Variants in TM4SF4 observed in about 807,000 individuals in gnomAD.
TM4SF4 encodes transmembrane 4 L6 family member 4.
Under a neutral mutation model 24.1 loss-of-function variants are expected in TM4SF4, and 24 were observed. The observed-to-expected ratio is 1.00, with a 90% CI of 0.72 to 1.40. The LOEUF (loss-of-function observed/expected upper bound fraction) is 1.40, where lower values mean the gene tolerates loss of function less well. Ranked by LOEUF, TM4SF4 falls within the 40% of genes most tolerant of loss-of-function variation. The pLI, the probability that TM4SF4 is intolerant of heterozygous loss-of-function variation, is 0.00. For synonymous variants in TM4SF4, 113 were observed against 97.0 expected, an observed-to-expected ratio of 1.17 and a Z score of -0.97; for missense variants, 254 against 254.2, an observed-to-expected ratio of 1.00 and a Z score of 0.01.
chr3:149,492,728 T>A (rs1003011345), intron 3 of TM4SF4, among the ~76,000 whole-genome samples: 2 of 151,990 alleles, frequency 1.3e-5, no homozygotes, highest in Admixed American at 6.6e-5. Flanking sequence ...GACACTGAAC[T>A]GAACACAGTT....
chr3:149,498,336 C>T lies in TM4SF4; in HGVS notation c.402-386C>T, dbSNP rs1349724497. Among the ~76,000 whole-genome samples, 4 of 152,172 alleles carry T rather than the reference C, an allele frequency of 2.6e-5. No individual in the cohort carries two copies. The South Asian group carries it at 8.3e-4, about 32-fold the overall frequency. On this transcript the variant is annotated intron_variant, in intron 3 of 4. Coordinates refer to ENST00000305354, the MANE Select transcript of TM4SF4 (RefSeq NM_004617.4). ...TGCTGGAGTGTCTCTATTTTCCTGT[C>T]CCCATCATAGATGGTGAATTTGCCT...
chr3:149,501,962 G>A (rs1025112810), intron 4 of TM4SF4, among the ~76,000 whole-genome samples: 2 of 152,194 alleles, frequency 1.3e-5, no homozygotes, highest in African/African-American at 4.8e-5. Flanking sequence ...ACTGCTCCTT[G>A]TCTGTAAAAT....
At position 149,503,311 on chromosome 3, in the gene TM4SF4, G is replaced by A. The variant is rs1734464000; in HGVS notation, c.*618G>A. 6.6e-6 allele frequency: 1 copy of A among 151,726 alleles called. No individual in the cohort carries two copies. The highest frequency in any genetic ancestry group is 1.5e-5 in the Non-Finnish European group (1 of 67,966). The allele number at this position is 151,726 out of a possible 1,614,324, so 9.4% of individuals were successfully genotyped here. A position where few individuals can be genotyped will look rare whatever the true frequency, so the allele number is the denominator to read the frequency against. On this transcript the variant is annotated 3_prime_UTR_variant, in exon 5 of 5. Transcript: ENST00000305354. ...AAGATTGTGTGTGTTTTAGGAGGGG[G>A]GACAAAACGTTGAATGAATAACAAC...
At chr3:149,483,868 C>T (rs987815378) in intron 2 of TM4SF4, among the ~76,000 whole-genome samples, 1 of 151,530 alleles carries the variant, frequency 6.6e-6, no homozygotes, top group Non-Finnish European at 1.5e-5. Flanking sequence ...GCAACCCGTG[C>T]GTCCCATGCT....
chr3:149,475,889 G>A lies in TM4SF4; in HGVS notation c.241G>A (p.Glu81Lys), dbSNP rs992078723. The change falls in exon 2 of 5, where the codon GAG (glutamate) becomes AAG (lysine). Residue 81 changes from glutamate to lysine, a missense_variant. Transcript: ENST00000305354. ...TGACTGCTGTGGGTGCTGCGGCAAC[G>A]AGGGCTGTGGGAAGCGATTTGCGGT... The part of the protein sequence containing the change: ...NNDCCGCCGN[E>K]GCGKRFAMFT... 5.6e-6 allele frequency: 9 copies of A among 1,612,796 alleles called. No homozygotes were observed. Among genetic ancestry groups the A allele is most frequent in the East Asian group, 2.2e-5 (1 of 44,860 alleles).
chr3:149,486,562 C>T (rs1734120148), intron 2 of TM4SF4, among the ~76,000 whole-genome samples: 1 of 152,132 alleles, frequency 6.6e-6, no homozygotes, highest in Non-Finnish European at 1.5e-5. Context: ...AGGGAGTTAA[C>T]CTAGCTGGGT....
At chr3:149,475,954 T>C in intron 2 of TM4SF4, 42 bp downstream of exon 2, 3 of 1,544,188 alleles carry the variant, frequency 1.9e-6, no homozygotes, top group Non-Finnish European at 1.8e-6. Flanking sequence ...TACTCCAGGG[T>C]GCTCTGTGCT....
chr3:149,480,075 T>G (rs1734007595), intron 2 of TM4SF4, among the ~76,000 whole-genome samples: 2 of 152,174 alleles, frequency 1.3e-5, no homozygotes, highest in East Asian at 3.8e-4. Flanking sequence ...AGGCCTGCGC[T>G]CTTTCAAATA....
rs1449264305 is a variant in TM4SF4, at chr3:149,474,859, T to C, written c.-19T>C. 6.3e-7 allele frequency: 1 copy of C among 1,598,908 alleles called. No homozygotes were observed. ...AGTGAGGAGCTTTTGATTGCTGACC[T>C]GTGTCGTACCACCCCAGAATGTGCA... is the stretch of plus-strand genomic sequence containing the variant. On this transcript the variant is annotated 5_prime_UTR_variant, in exon 1 of 5. Coordinates refer to ENST00000305354, the MANE Select transcript of TM4SF4 (RefSeq NM_004617.4).
intron 3 of TM4SF4, among the ~76,000 whole-genome samples, chr3:149,491,229 T>C (rs1256629486): frequency 6.7e-6 from 1 of 149,322 alleles, no homozygotes; most frequent in South Asian, 2.1e-4. Flanking sequence ...AAGGATTGCT[T>C]GAGCCCAGGA....
chr3:149,481,184 C>CA (rs1734027688), intron 2 of TM4SF4, among the ~76,000 whole-genome samples: 2 of 152,238 alleles, frequency 1.3e-5, no homozygotes, highest in South Asian at 4.1e-4. Context: ...TTCTATGCTT[C>CA]AAAATCCTCT....
chr3:149,487,185 G>C (rs899421785), intron 2 of TM4SF4, among the ~76,000 whole-genome samples: 2 of 152,184 alleles, frequency 1.3e-5, no homozygotes, highest in African/African-American at 4.8e-5. Context: ...AACCTGGGAA[G>C]TGAAGGTTGC....
At chr3:149,479,641 C>T (rs1271488893) in intron 2 of TM4SF4, among the ~76,000 whole-genome samples, 2 of 152,328 alleles carry the variant, frequency 1.3e-5, no homozygotes, top group East Asian at 1.9e-4. Flanking sequence ...CCCCTCCAGG[C>T]CCCAGCTCCT....
intron 3 of TM4SF4, among the ~76,000 whole-genome samples, chr3:149,496,511 G>A (rs144389599): frequency 5.9e-5 from 9 of 152,290 alleles, no homozygotes; most frequent in African/African-American, 1.9e-4. Flanking sequence ...GCCAGATGCC[G>A]TGGCTCACAA....
intron 3 of TM4SF4, 132 bp from the exon 4 acceptor site, chr3:149,498,590 A>G (rs1170131302): frequency 1.3e-6 from 1 of 752,708 alleles, no homozygotes; most frequent in Admixed American, 2.3e-5. Flanking sequence ...AATTGTTAGT[A>G]CAGAGTATTT....
chr3:149,496,129 T>C (rs529194003), intron 3 of TM4SF4: 1 of 155,812 alleles, frequency 6.4e-6, no homozygotes, highest in Non-Finnish European at 1.4e-5. Context: ...TGTTAACAAT[T>C]AAAACCTTCA....
chr3:149,478,231 T>C (rs1433121885), intron 2 of TM4SF4, among the ~76,000 whole-genome samples: 1 of 152,188 alleles, frequency 6.6e-6, no homozygotes, highest in Non-Finnish European at 1.5e-5. Flanking sequence ...CTGCAACCTC[T>C]GCCTCTTGGG....
At chr3:149,486,123 C>T (rs4131174) in intron 2 of TM4SF4, among the ~76,000 whole-genome samples, 48,744 of 151,984 alleles carry the variant, frequency 0.32, 8,122 homozygotes, top group Non-Finnish European at 0.36. Context: ...CACCCAGGCA[C>T]GATCAGGTCC....
intron 2 of TM4SF4, among the ~76,000 whole-genome samples, chr3:149,486,747 G>A (rs2107870437): frequency 6.6e-6 from 1 of 152,308 alleles, no homozygotes; most frequent in East Asian, 1.9e-4. Flanking sequence ...GAGGGTGGAA[G>A]GGGTGAGAGA....
Sources: allele counts gnomAD v4.1 joint callset (sites outside exome capture counted in the v4.1 genomes callset), GRCh38; gene constraint gnomAD v4.1.1; transcripts MANE v1.5; gene names NCBI Gene and HGNC (gene_info 2026-07-23, HGNC 2026-07-21).